The following GMPR variants were observed in gnomAD, a reference collection of about 807,000 sequenced individuals.
The protein encoded by GMPR is GMP reductase 1.
GMPR carries 31 observed loss-of-function variants against 38.4 expected under a neutral mutation model. The observed-to-expected ratio is 0.81, with a 90% CI of 0.61 to 1.09. The LOEUF is 1.09. Among genes scored for constraint, GMPR ranks in the 50% least tolerant of loss-of-function variants. GMPR has a pLI of 0.00. For missense variants in GMPR, 468 were observed against 453.7 expected (o/e 1.03, Z -0.29); for synonymous variants, 162 against 173.3 (o/e 0.93, Z 0.51).
In GMPR at chr6:16,238,605, G is replaced by C. The variant is rs1182830869; in HGVS notation, c.-89G>C. The C allele has an allele frequency of 4.1e-5, 13 of 316,028 alleles. No individual in the cohort carries two copies. In the South Asian group the frequency reaches 1.0e-3, roughly 25 times the overall value. The allele number at this position is 316,028 out of a possible 1,614,324, so 19.6% of individuals were successfully genotyped here. A position where few individuals can be genotyped will look rare whatever the true frequency, so the allele number is the denominator to read the frequency against. On this transcript the variant is annotated 5_prime_UTR_variant, in exon 1 of 9. Coordinates refer to ENST00000259727, the MANE Select transcript of GMPR (RefSeq NM_006877.4). ...CCGGCCCACGCCAGCTCCCGGCCGC[G>C]GCACAGCAGCCCCGGCGCTCCCCGC...
In GMPR at chr6:16,280,042, G is replaced by C. The variant is rs565923028; in HGVS notation, c.654+1152G>C. Among the ~76,000 whole-genome samples, 3 of 152,306 alleles carry C rather than the reference G, an allele frequency of 2.0e-5. No homozygotes were observed. The East Asian group carries it at 5.8e-4, about 29-fold the overall frequency. ...CGGCAATGGAGTAGGTGCTTGGGGGGCACTGGAGAAGGAGAAGGAGGAGCA... is the reference window on the plus strand; with the variant it reads ...CGGCAATGGAGTAGGTGCTTGGGGGCCACTGGAGAAGGAGAAGGAGGAGCA... On this transcript the variant is annotated intron_variant, in intron 6 of 8. Coordinates refer to ENST00000259727, the MANE Select transcript of GMPR (RefSeq NM_006877.4).
intron 5 of GMPR, among the ~76,000 whole-genome samples, chr6:16,277,654 G>A (rs554202177): frequency 3.3e-5 from 5 of 152,278 alleles, no homozygotes; most frequent in Admixed American, 2.0e-4. Flanking sequence ...CCACGGAGCC[G>A]ACCACCCAGT....
intron 1 of GMPR, among the ~76,000 whole-genome samples, chr6:16,239,450 C>G (rs1758602768): frequency 6.6e-6 from 1 of 152,156 alleles, no homozygotes; most frequent in African/African-American, 2.4e-5. Flanking sequence ...TGGATGTCCT[C>G]AAATCCTAAG....
intron 5 of GMPR, among the ~76,000 whole-genome samples, chr6:16,276,898 T>G (rs888030571): frequency 6.6e-6 from 1 of 152,204 alleles, no homozygotes; most frequent in Non-Finnish European, 1.5e-5. Flanking sequence ...TTCACCTAGG[T>G]GTTAATCAGA....
At chr6:16,261,291 C>CT (rs1561824169) in intron 4 of GMPR, among the ~76,000 whole-genome samples, 1 of 151,896 alleles carries the variant, frequency 6.6e-6, no homozygotes, top group Non-Finnish European at 1.5e-5. Flanking sequence ...AAGAATTATG[C>CT]TTAGATAGGT....
intron 4 of GMPR, among the ~76,000 whole-genome samples, chr6:16,271,354 C>T (rs889333367): frequency 6.6e-6 from 1 of 152,140 alleles, no homozygotes; most frequent in Non-Finnish European, 1.5e-5. Flanking sequence ...GGCGTGGTGG[C>T]ACATACCTGT....
At chr6:16,252,090 A>C (rs1330095984) in intron 3 of GMPR, among the ~76,000 whole-genome samples, 1 of 152,170 alleles carries the variant, frequency 6.6e-6, no homozygotes, top group Non-Finnish European at 1.5e-5. Context: ...GATTAGTGAA[A>C]AAGTGGTTTT....
rs775740761 is a variant in GMPR, at chr6:16,290,601, A to G, written c.837A>G (p.Ala279=). ...MSSDTAMNKH[A]GGVAEYRASE... The stretch of plus-strand genomic sequence containing the variant: ...CTGACACCGCCATGAACAAGCACGC[A>G]GGAGGAGTTGCTGAGTACAGGTGAG... The change falls in exon 8 of 9, where the codon GCA becomes GCG. Residue 279 remains alanine (A), a synonymous_variant. Transcript: ENST00000259727. The G allele has an allele frequency of 1.2e-6, 2 of 1,614,174 alleles. No individual in the cohort carries two copies. Among genetic ancestry groups the G allele is most frequent in the Non-Finnish European group, 1.7e-6 (2 of 1,180,022 alleles).
chr6:16,289,508 AAGAC>A (rs1431101353), intron 7 of GMPR: 1 of 152,200 alleles, frequency 6.6e-6, no homozygotes, highest in African/African-American at 2.4e-5. Flanking sequence ...ATAGCCCACA[AAGAC>A]AGGCAGCTTC....
rs759773807 is a variant in GMPR, at chr6:16,295,186, A to T, written c.1038A>T (p.Ter346TyrextTer114). The T allele has an allele frequency of 8.6e-6, 13 of 1,504,946 alleles. No individual in the cohort carries two copies. The highest frequency in any genetic ancestry group is 1.1e-5 in the Non-Finnish European group (13 of 1,132,598). 93.2% of individuals were successfully genotyped at this position (1,504,946 alleles called of 1,614,324 possible). The change falls in exon 9 of 9, where the codon TAA becomes TAT. Residue 346 changes from the stop codon to tyrosine, a stop_lost. Coordinates refer to ENST00000259727, the MANE Select transcript of GMPR (RefSeq NM_006877.4). Reference sequence around the variant, plus strand: ...AGCAGCACAACACCGTGTTCAGCTAACCCTGGGGACAAAGCAGCGTCTGGC... The same window carrying T: ...AGCAGCACAACACCGTGTTCAGCTATCCCTGGGGACAAAGCAGCGTCTGGC... The part of the protein sequence containing the change: ...VTQQHNTVFS[*>Y]
At chr6:16,288,872 T>G (rs1460382269) in intron 7 of GMPR, among the ~76,000 whole-genome samples, 2 of 152,088 alleles carry the variant, frequency 1.3e-5, no homozygotes, top group African/African-American at 4.8e-5. Context: ...CCACACTCTG[T>G]ATCTAGCTAA....
Position 16,264,087 on chromosome 6 carries a change from C to T in GMPR, c.465+9352C>T, listed in dbSNP as rs149649230. Among the ~76,000 whole-genome samples the T allele has an allele frequency of 9.6e-3, 1,464 of 152,058 alleles. 22 individuals carry two copies. Among genetic ancestry groups the T allele is most frequent in the African/African-American group, 0.031 (1,304 of 41,538 alleles). ...GGCATCCCTGCGTGGTCTGACACCT[C>T]TGAAACCCGGTAGAATAATCAGAGG... On this transcript the variant is annotated intron_variant, in intron 4 of 8. Coordinates refer to ENST00000259727, the MANE Select transcript of GMPR (RefSeq NM_006877.4).
chr6:16,263,518 G>C (rs1212431335), intron 4 of GMPR, among the ~76,000 whole-genome samples: 1 of 151,868 alleles, frequency 6.6e-6, no homozygotes, highest in East Asian at 1.9e-4. Context: ...GAGACACGGA[G>C]GGAAGGGGTT....
chr6:16,261,200 A>C (rs1348001235), intron 4 of GMPR, among the ~76,000 whole-genome samples: 1 of 151,966 alleles, frequency 6.6e-6, no homozygotes, highest in Non-Finnish European at 1.5e-5. Flanking sequence ...CTAGGAAGGA[A>C]AGGAGTTGCT....
intron 5 of GMPR, among the ~76,000 whole-genome samples, chr6:16,275,948 T>C (rs762727915): frequency 6.6e-6 from 1 of 151,946 alleles, no homozygotes; most frequent in Non-Finnish European, 1.5e-5. Context: ...TATGCACCTG[T>C]AGTCTCAGCT....
At chr6:16,244,854 A>G (rs1758725434) in intron 1 of GMPR, among the ~76,000 whole-genome samples, 1 of 152,182 alleles carries the variant, frequency 6.6e-6, no homozygotes, top group African/African-American at 2.4e-5. Flanking sequence ...GCAAAGAGCT[A>G]GCTCATAAAA....
intron 4 of GMPR, among the ~76,000 whole-genome samples, chr6:16,267,920 A>G (rs1450434268): frequency 1.3e-5 from 2 of 152,204 alleles, no homozygotes; most frequent in Non-Finnish European, 1.5e-5. Context: ...ATTTCCATGC[A>G]TGACTGATGG....
intron 1 of GMPR, among the ~76,000 whole-genome samples, chr6:16,246,615 G>A (rs553004598): frequency 6.6e-6 from 1 of 152,134 alleles, no homozygotes; most frequent in African/African-American, 2.4e-5. Context: ...GAGGCAGTGG[G>A]GTTGGAGAGG....
intron 7 of GMPR, among the ~76,000 whole-genome samples, chr6:16,288,307 G>A (rs1033758767): frequency 5.3e-5 from 8 of 152,258 alleles, no homozygotes; most frequent in Non-Finnish European, 1.0e-4. Flanking sequence ...GGGCCAGCTG[G>A]AGTTCCGGGT....
Sources: allele counts gnomAD v4.1 joint callset (sites outside exome capture counted in the v4.1 genomes callset), GRCh38; gene constraint gnomAD v4.1.1; transcripts MANE v1.5; gene names NCBI Gene and HGNC (gene_info 2026-07-23, HGNC 2026-07-21).